Variants in GPT2 observed in about 807,000 individuals in gnomAD.
GPT2 encodes the protein alanine aminotransferase 2.
Under a neutral mutation model 56.9 loss-of-function variants are expected in GPT2, and 30 were observed. That is an observed-to-expected ratio of 0.53 (90% CI 0.39 to 0.72). The LOEUF (loss-of-function observed/expected upper bound fraction) is 0.72, where lower values mean the gene tolerates loss of function less well. GPT2 is among the 30% of genes least tolerant of loss of function. The pLI, the probability that GPT2 is intolerant of heterozygous loss-of-function variation, is 0.00. For synonymous variants in GPT2, 271 were observed against 283.1 expected (o/e 0.96, Z 0.43); for missense variants, 542 against 703.4 (o/e 0.77, Z 2.60).
intron 4 of GPT2, among the ~76,000 whole-genome samples, chr16:46,905,688 C>A (rs16949863): frequency 0.021 from 3,200 of 152,152 alleles, 98 homozygotes; most frequent in African/African-American, 0.073. Context: ...ACCTAAATAG[C>A]GGCCTGACAT....
At chr16:46,906,391 C>T (rs1399486879) in intron 4 of GPT2, among the ~76,000 whole-genome samples, 1 of 152,086 alleles carries the variant, frequency 6.6e-6, no homozygotes, top group Non-Finnish European at 1.5e-5. Context: ...AAGTGTTGGC[C>T]CACTCTCTCA....
intron 3 of GPT2, among the ~76,000 whole-genome samples, chr16:46,898,197 G>A (rs757533353): frequency 2.0e-5 from 3 of 152,188 alleles, no homozygotes; most frequent in East Asian, 1.9e-4. Context: ...TTGGCAGAGC[G>A]CCGCCTCGGG....
chr16:46,886,537 A>G (rs1388913453), intron 2 of GPT2, among the ~76,000 whole-genome samples: 1 of 152,144 alleles, frequency 6.6e-6, no homozygotes, highest in Non-Finnish European at 1.5e-5. Flanking sequence ...GGGATTTTTT[A>G]GCAGGCAGAA....
chr16:46,918,858 G>C, intron 8 of GPT2, 101 bp downstream of exon 8: 2 of 1,403,740 alleles, frequency 1.4e-6, no homozygotes. Flanking sequence ...TGGATGGAGA[G>C]AAGGCTGCCC....
At chr16:46,917,416 C>T (rs532031666) in intron 7 of GPT2, among the ~76,000 whole-genome samples, 11 of 152,296 alleles carry the variant, frequency 7.2e-5, no homozygotes, top group African/African-American at 2.2e-4. Context: ...TGCCTCCCAG[C>T]GCTTCTGTAT....
At chr16:46,900,517 G>A (rs1016748324) in intron 3 of GPT2, among the ~76,000 whole-genome samples, 165 bp from the exon 4 acceptor site, 1 of 152,148 alleles carries the variant, frequency 6.6e-6, no homozygotes, top group Non-Finnish European at 1.5e-5. Context: ...AGAGAGCCCA[G>A]CGTCTTCCCC....
At chr16:46,908,510 T>C (rs1176501369) in intron 5 of GPT2, among the ~76,000 whole-genome samples, 2 of 152,180 alleles carry the variant, frequency 1.3e-5, no homozygotes, top group African/African-American at 2.4e-5. Context: ...CTTCCTTTAA[T>C]GGGGCTTTGT....
chr16:46,909,291 A>T (rs1187687586), intron 5 of GPT2, among the ~76,000 whole-genome samples: 1 of 152,134 alleles, frequency 6.6e-6, no homozygotes, highest in African/African-American at 2.4e-5. Flanking sequence ...TTAAAAATAT[A>T]TATTTTTAAA....
chr16:46,927,063 G>T (rs371636142), intron 11 of GPT2, 26 bp downstream of exon 11: 16 of 1,423,466 alleles, frequency 1.1e-5, no homozygotes, highest in Non-Finnish European at 1.5e-5. Flanking sequence ...CGCACTAGGG[G>T]CTGGTCCGGG....
intron 8 of GPT2, among the ~76,000 whole-genome samples, chr16:46,922,016 G>T (rs1017017218): frequency 6.6e-6 from 1 of 152,160 alleles, no homozygotes; most frequent in African/African-American, 2.4e-5. Context: ...CTATGATCAT[G>T]CCACTGCACT....
intron 4 of GPT2, among the ~76,000 whole-genome samples, chr16:46,903,069 C>T (rs935582564): frequency 2.0e-5 from 3 of 151,874 alleles, no homozygotes; most frequent in Non-Finnish European, 4.4e-5. Context: ...GCCAACTTGG[C>T]GAAACCCTGT....
At chr16:46,889,455 A>G (rs1437781710) in intron 2 of GPT2, among the ~76,000 whole-genome samples, 1 of 151,564 alleles carries the variant, frequency 6.6e-6, no homozygotes, top group African/African-American at 2.4e-5. Flanking sequence ...GATCTCGCTT[A>G]TGTTGTCCAG....
rs752970046 is a variant in GPT2, at chr16:46,900,745, A to C, written c.397A>C (p.Lys133Gln). 2 of 1,614,094 alleles carry C rather than the reference A, an allele frequency of 1.2e-6. No individual in the cohort carries two copies. The highest frequency in any genetic ancestry group is 3.3e-5 in the Admixed American group (2 of 60,006). ...DSPSFPEDAKKRARRILQACG... is the reference protein window; with the variant it reads ...DSPSFPEDAKQRARRILQACG... ...CCCCAGCTTCCCAGAAGATGCTAAG[A>C]AACGTGCCCGGCGGATCCTGCAGGC... Residue 133 changes from lysine (K) to glutamine (Q), a missense_variant, in exon 4 of 12, where the codon AAA becomes CAA. Transcript: ENST00000340124.
chr16:46,925,234 T>G (rs577818778), intron 10 of GPT2, among the ~76,000 whole-genome samples: 10 of 152,092 alleles, frequency 6.6e-5, no homozygotes, highest in East Asian at 5.8e-4. Flanking sequence ...TTTGTTTTTT[T>G]TTTCTGAGAC....
intron 2 of GPT2, among the ~76,000 whole-genome samples, chr16:46,886,623 A>AG (rs1248867189): frequency 6.6e-6 from 1 of 152,140 alleles, no homozygotes; most frequent in African/African-American, 2.4e-5. Context: ...CATTTGGGGA[A>AG]GGGGGCTGGT....
In GPT2 at chr16:46,910,380, C is replaced by CAAA. The variant is rs4039999; in HGVS notation, c.820+479_820+481dup. ...TGGGTGACAGAGCGAGACTCTGTCTCAAAAAAAAAAAAAAAAAAAAAAAAA... is the reference window on the plus strand; with the variant it reads ...TGGGTGACAGAGCGAGACTCTGTCTCAAAAAAAAAAAAAAAAAAAAAAAAAAAA... On this transcript the variant is annotated intron_variant, in intron 6 of 11. Transcript: ENST00000340124. Among the ~76,000 whole-genome samples the CAAA allele has an allele frequency of 1.3e-3, 62 of 46,442 alleles. 8 individuals are homozygous for CAAA. The highest frequency in any genetic ancestry group is 3.6e-3 in the East Asian group (4 of 1,108). 30.5% of individuals were successfully genotyped at this position (46,442 alleles called of 152,430 possible). A position where few individuals can be genotyped will look rare whatever the true frequency, so the allele number is the denominator to read the frequency against.
chr16:46,917,734 A>G (rs1273938234), intron 7 of GPT2, among the ~76,000 whole-genome samples: 4 of 152,036 alleles, frequency 2.6e-5, no homozygotes, highest in African/African-American at 9.7e-5. Flanking sequence ...ATACATATGT[A>G]CATACAGACA....
intron 3 of GPT2, among the ~76,000 whole-genome samples, chr16:46,899,938 C>T (rs1000772301): frequency 3.9e-5 from 6 of 152,092 alleles, no homozygotes; most frequent in African/African-American, 1.4e-4. Flanking sequence ...TGCGCAGGTG[C>T]ACCTGGGAGG....
In GPT2 at chr16:46,927,035, C is replaced by A. The variant is rs761882355; in HGVS notation, c.1479C>A (p.Phe493Leu). The change falls in exon 11 of 12, where the codon TTC (phenylalanine) becomes TTA (leucine). Residue 493 changes from phenylalanine to leucine, a missense_variant and splice_region_variant. Phe to Leu is a conservative substitution (Grantham distance 22). Coordinates refer to ENST00000340124, the MANE Select transcript of GPT2 (RefSeq NM_133443.4). ...GFGQREGTYHFRMTILPPVEK... is the reference protein window; with the variant it reads ...GFGQREGTYHLRMTILPPVEK... Reference sequence around the variant, plus strand: ...GGCAGAGGGAAGGCACTTACCACTTCAGGTATGACTTCCTCTCCGCACTAG... The same window carrying A: ...GGCAGAGGGAAGGCACTTACCACTTAAGGTATGACTTCCTCTCCGCACTAG... 2.5e-6 allele frequency: 4 copies of A among 1,581,572 alleles called. No homozygotes were observed. The South Asian group carries it at 4.6e-5, about 18-fold the overall frequency.
Sources: allele counts gnomAD v4.1 joint callset (sites outside exome capture counted in the v4.1 genomes callset), GRCh38; gene constraint gnomAD v4.1.1; transcripts MANE v1.5; gene names NCBI Gene and HGNC (gene_info 2026-07-23, HGNC 2026-07-21).